Variants in ABCC11 observed in about 807,000 individuals in gnomAD.
The protein encoded by ABCC11 is ATP binding cassette subfamily C member 11.
Under a neutral mutation model 149.3 loss-of-function variants are expected in ABCC11, and 135 were observed. The ratio of observed to expected loss-of-function variants is 0.90; its 90% CI spans 0.79 to 1.04. The LOEUF (loss-of-function observed/expected upper bound fraction) is 1.04, where lower values mean the gene tolerates loss of function less well. Among genes scored for constraint, ABCC11 ranks in the 50% least tolerant of loss-of-function variants. ABCC11 has a pLI of 0.00. For synonymous variants in ABCC11, 665 were observed against 671.4 expected, an observed-to-expected ratio of 0.99 and a Z score of 0.15; for missense variants, 1,680 against 1,722.1, an observed-to-expected ratio of 0.98 and a Z score of 0.43.
rs1966811992 is a variant in ABCC11, at chr16:48,187,390, G to T, written c.2744C>A (p.Pro915Gln). ...RCPMSFFDTIPIGRLLNCFAG... is the reference protein window; with the variant it reads ...RCPMSFFDTIQIGRLLNCFAG... ...GAAGCAGTTCAAAAGCCGGCCTATTGGGATGGTGTCAAAGAAACTCATGGG... is the reference window on the plus strand; with the variant it reads ...GAAGCAGTTCAAAAGCCGGCCTATTTGGATGGTGTCAAAGAAACTCATGGG... The change falls in exon 21 of 30, where the codon CCA (proline) becomes CAA (glutamine). Residue 915 changes from proline to glutamine, a missense_variant. Transcript: ENST00000356608. 6.2e-7 allele frequency: 1 copy of T among 1,613,842 alleles called. No homozygotes were observed. Among genetic ancestry groups the T allele is most frequent in the Non-Finnish European group, 8.5e-7 (1 of 1,179,938 alleles).
At chr16:48,227,754 A>G in intron 4 of ABCC11, 52 bp downstream of exon 4, 1 of 1,609,444 alleles carries the variant, frequency 6.2e-7, no homozygotes, top group Non-Finnish European at 8.5e-7. Context: ...TCATTATCCC[A>G]CCAAGAGATT....
chr16:48,196,999 T>C (rs976643423), intron 17 of ABCC11, among the ~76,000 whole-genome samples: 1 of 148,108 alleles, frequency 6.8e-6, no homozygotes, highest in Non-Finnish European at 1.5e-5. Flanking sequence ...TACACCAGGA[T>C]GGAAATTTTT....
At position 48,211,067 on chromosome 16, in the gene ABCC11, G is replaced by A. The variant is rs751197104; in HGVS notation, c.1489C>T (p.Leu497=). 6.2e-7 allele frequency: 1 copy of A among 1,614,208 alleles called. No individual in the cohort carries two copies. The highest frequency in any genetic ancestry group is 8.5e-7 in the Non-Finnish European group (1 of 1,180,030). The stretch of plus-strand genomic sequence containing the variant: ...TCAGAAGCATGCCCGTTCCTCTCCA[G>A]CTCCAGTGCCCCATTGACGATCCCG... ...CPGIVNGALE[L]ERNGHASEGM... is the part of the protein sequence containing the mutation. Residue 497 remains leucine (L), a synonymous_variant, in exon 11 of 30, where the codon CTG becomes TTG. Transcript: ENST00000356608.
At chr16:48,178,480 G>T in intron 24 of ABCC11, 117 bp downstream of exon 24, 1 of 911,940 alleles carries the variant, frequency 1.1e-6, no homozygotes, top group Middle Eastern at 3.1e-4. Context: ...AAGGCCAGGA[G>T]CCTGGTGTTT....
At chr16:48,218,417 G>T (rs1018766544) in intron 6 of ABCC11, among the ~76,000 whole-genome samples, 11 of 152,120 alleles carry the variant, frequency 7.2e-5, no homozygotes, top group Non-Finnish European at 1.0e-4. Flanking sequence ...GTTACTCCAC[G>T]TCTCTGTGCC....
intron 20 of ABCC11, among the ~76,000 whole-genome samples, chr16:48,191,088 T>C (rs1200174122): frequency 6.6e-6 from 1 of 152,154 alleles, no homozygotes; most frequent in African/African-American, 2.4e-5. Context: ...TGGATACATG[T>C]CATTATACAT....
chr16:48,221,867 A>T (rs1969761927), intron 6 of ABCC11, among the ~76,000 whole-genome samples: 1 of 151,732 alleles, frequency 6.6e-6, no homozygotes, highest in Non-Finnish European at 1.5e-5. Flanking sequence ...TTAGCCTCTC[A>T]AGTAGATGGG....
At position 48,209,837 on chromosome 16, in the gene ABCC11, A is replaced by ATAAAAAATATATATTAATTATT. The variant is rs1968766882; in HGVS notation, c.1608+1089_1608+1110dup. 10 of 152,328 alleles carry ATAAAAAATATATATTAATTATT rather than the reference A, an allele frequency of 6.6e-5. No individual in the cohort carries two copies. The East Asian group carries it at 1.5e-3, about 23-fold the overall frequency. The allele number at this position is 152,328 out of a possible 1,614,324, so 9.4% of individuals were successfully genotyped here. On this transcript the variant is annotated intron_variant, in intron 11 of 29. Coordinates refer to ENST00000356608, the MANE Select transcript of ABCC11 (RefSeq NM_001370497.1). ...CACTCGTACCCCAAAAGCTATTGAAATAAAAAATATATATTAATTATTTAA... is the reference window on the plus strand; with the variant it reads ...CACTCGTACCCCAAAAGCTATTGAAATAAAAAATATATATTAATTATTTAAAAAATATATATTAATTATTTAA...
intron 23 of ABCC11, among the ~76,000 whole-genome samples, chr16:48,180,702 A>G (rs1233229838): frequency 6.6e-6 from 1 of 152,208 alleles, no homozygotes; most frequent in South Asian, 2.1e-4. Flanking sequence ...GAGGGAGCAC[A>G]TTGAGGTCAG....
intron 17 of ABCC11, among the ~76,000 whole-genome samples, chr16:48,196,584 G>A (rs1305660536): frequency 6.6e-6 from 1 of 152,196 alleles, no homozygotes; most frequent in African/African-American, 2.4e-5. Context: ...TGAGAGAAAC[G>A]CAGGAAAGAA....
intron 6 of ABCC11, among the ~76,000 whole-genome samples, chr16:48,220,386 ACC>A (rs1969654596): frequency 6.6e-6 from 1 of 152,232 alleles, no homozygotes; most frequent in Non-Finnish European, 1.5e-5. Context: ...TAGAGAACTG[ACC>A]AAGCGAATGT....
intron 18 of ABCC11, among the ~76,000 whole-genome samples, 186 bp from the exon 19 acceptor site, chr16:48,194,168 C>T (rs1967180999): frequency 6.6e-6 from 1 of 152,198 alleles, no homozygotes; most frequent in African/African-American, 2.4e-5. Context: ...CAAATCCTGG[C>T]TCCACCACTT....
At position 48,215,006 on chromosome 16, in the gene ABCC11, G is replaced by C; in HGVS notation, c.1123C>G (p.Leu375Val). Reference protein sequence around the residue: ...IEDLRRKERKLLEKCGLVQSL... With the variant: ...IEDLRRKERKVLEKCGLVQSL... ...TGGACAAGCCCGCACTTCTCCAATA[G>C]TTTCCTTTCCTTCCTTCTTAGGTCT... is the stretch of plus-strand genomic sequence containing the variant. The change falls in exon 9 of 30, where the codon CTA (leucine) becomes GTA (valine). Residue 375 changes from leucine to valine, a missense_variant. Coordinates refer to ENST00000356608, the MANE Select transcript of ABCC11 (RefSeq NM_001370497.1). 1.2e-6 allele frequency: 2 copies of C among 1,613,972 alleles called. No homozygotes were observed. Among genetic ancestry groups the C allele is most frequent in the South Asian group, 1.1e-5 (1 of 91,062 alleles).
intron 1 of ABCC11, among the ~76,000 whole-genome samples, chr16:48,233,156 G>A (rs1354656588): frequency 6.6e-6 from 1 of 152,122 alleles, no homozygotes; most frequent in East Asian, 1.9e-4. Context: ...AACTGAGATT[G>A]TGCCACTGTA....
chr16:48,222,865 C>A lies in ABCC11; in HGVS notation c.544-34G>T. ...AAATGGGAGTTTGGATCATTCAGAC[C>A]ACCCTGCCAGACACGTTTGATGTTT... On this transcript the variant is annotated intron_variant, in intron 5 of 29. Transcript: ENST00000356608. 2.6e-6 allele frequency: 4 copies of A among 1,544,102 alleles called. No homozygotes were observed. In the East Asian group the frequency reaches 6.8e-5, roughly 26 times the overall value.
intron 17 of ABCC11, 72 bp from the exon 18 acceptor site, chr16:48,196,393 C>T: frequency 6.9e-7 from 1 of 1,449,842 alleles, no homozygotes. Flanking sequence ...CTGTCTCTGG[C>T]TTCGATCCTG....
Position 48,198,163 on chromosome 16 carries a change from T to C in ABCC11, c.2195A>G (p.Lys732Arg). ...KKGKYAQLIQ[K>R]MHKEATSDML... Reference sequence around the variant, plus strand: ...CACCGAAGTGGCTTCCTTGTGCATCTTCTGGATAAGTTGGGCATATTTCCC... The same window carrying C: ...CACCGAAGTGGCTTCCTTGTGCATCCTCTGGATAAGTTGGGCATATTTCCC... Residue 732 changes from lysine (K) to arginine (R), a missense_variant, in exon 16 of 30, where the codon AAG (lysine) becomes AGG (arginine). By Grantham distance (26) the Lys-to-Arg change is conservative. Coordinates refer to ENST00000356608, the MANE Select transcript of ABCC11 (RefSeq NM_001370497.1). The C allele has an allele frequency of 6.2e-7, 1 of 1,614,212 alleles. No individual in the cohort carries two copies. The highest frequency in any genetic ancestry group is 8.5e-7 in the Non-Finnish European group (1 of 1,180,032).
chr16:48,217,804 T>A (rs1567274972), intron 6 of ABCC11, among the ~76,000 whole-genome samples: 2 of 152,164 alleles, frequency 1.3e-5, no homozygotes, highest in Non-Finnish European at 2.9e-5. Flanking sequence ...TAAATTGGTA[T>A]AGCCACTCTG....
chr16:48,234,271 A>T (rs746936998), intron 1 of ABCC11, among the ~76,000 whole-genome samples: 1 of 152,250 alleles, frequency 6.6e-6, no homozygotes. Flanking sequence ...TAACCTCAGA[A>T]GTATAAATAA....
Sources: gnomAD v4.1 joint callset for allele counts (sites outside exome capture counted in the v4.1 genomes callset) on GRCh38, gnomAD v4.1.1 for gene constraint, MANE v1.5 for transcripts, NCBI Gene and HGNC (gene_info 2026-07-23, HGNC 2026-07-21) for gene names.